The following SLC2A1 variants were observed in gnomAD, a reference collection of about 807,000 sequenced individuals.
SLC2A1 encodes the protein solute carrier family 2, facilitated glucose transporter member 1.
A neutral mutation model predicts 46.6 loss-of-function variants in SLC2A1; 4 were observed. The observed-to-expected ratio is 0.09, with a 90% CI of 0.04 to 0.20. The LOEUF is 0.20. Among genes scored for constraint, SLC2A1 ranks in the 10% least tolerant of loss-of-function variants. The pLI is 1.00. For synonymous variants in SLC2A1, 253 were observed against 270.0 expected, an observed-to-expected ratio of 0.94 and a Z score of 0.62; for missense variants, 352 against 667.0, an observed-to-expected ratio of 0.53 and a Z score of 5.20.
intron 1 of SLC2A1, among the ~76,000 whole-genome samples, chr1:42,945,626 T>C (rs573134504): frequency 2.0e-5 from 3 of 151,354 alleles, no homozygotes; most frequent in South Asian, 4.2e-4. Context: ...TGCGTGCCTG[T>C]AGTCCCAACT....
chr1:42,929,617 G>A lies in SLC2A1; in HGVS notation c.843C>T (p.Ser281=). ...CAGCGTTGATGCCAGACAGCTGCTGGGACAGCTGCAGCACCACAGCGATGA... is the reference window on the plus strand; with the variant it reads ...CAGCGTTGATGCCAGACAGCTGCTGAGACAGCTGCAGCACCACAGCGATGA... ...PILIAVVLQL[S]QQLSGINAVF... is the part of the protein sequence containing the mutation. Residue 281 remains serine (S), a synonymous_variant, in exon 6 of 10, where the codon TCC becomes TCT. Transcript: ENST00000426263. The surrounding 1 kb of genome is among the most constrained non-coding windows in gnomAD (Gnocchi z 6.0). 1 of 1,613,702 alleles carries A rather than the reference G, an allele frequency of 6.2e-7. No individual in the cohort carries two copies. The highest frequency in any genetic ancestry group is 2.2e-5 in the East Asian group (1 of 44,882).
intron 1 of SLC2A1, 87 bp downstream of exon 1, chr1:42,958,547 G>GT: frequency 8.5e-7 from 1 of 1,179,874 alleles, no homozygotes; most frequent in Non-Finnish European, 1.1e-6. Flanking sequence ...GCGCAGCGGG[G>GT]CGGCGGGGGA....
chr1:42,926,905 T>G lies in SLC2A1; in HGVS notation c.*136A>C. 6.6e-7 allele frequency: 1 copy of G among 1,515,178 alleles called. No individual in the cohort carries two copies. Among genetic ancestry groups the G allele is most frequent in the Non-Finnish European group, 8.8e-7 (1 of 1,138,336 alleles). 93.9% of individuals were successfully genotyped at this position (1,515,178 alleles called of 1,614,324 possible). On this transcript the variant is annotated 3_prime_UTR_variant, in exon 10 of 10. Coordinates refer to ENST00000426263, the MANE Select transcript of SLC2A1 (RefSeq NM_006516.4). Reference sequence around the variant, plus strand: ...GTCCTGAATATTCTTCTGGACATCATTGCTGGCTGGAGAAAGGAGCCCCAG... The same window carrying G: ...GTCCTGAATATTCTTCTGGACATCAGTGCTGGCTGGAGAAAGGAGCCCCAG...
At chr1:42,956,509 C>T (rs769127072) in intron 1 of SLC2A1, among the ~76,000 whole-genome samples, 10 of 151,542 alleles carry the variant, frequency 6.6e-5, no homozygotes, top group Non-Finnish European at 1.2e-4. Context: ...CGCTTGAACC[C>T]GGGAGGCAGA....
chr1:42,928,315 G>A (rs1459223340), intron 8 of SLC2A1, among the ~76,000 whole-genome samples: 1 of 152,224 alleles, frequency 6.6e-6, no homozygotes, highest in East Asian at 1.9e-4. Flanking sequence ...TCCAAGCCCA[G>A]GTTGAGCTGT....
In SLC2A1 at chr1:42,929,899, C is replaced by A. The variant is rs374080633; in HGVS notation, c.653G>T (p.Arg218Leu). 3.1e-6 allele frequency: 5 copies of A among 1,614,062 alleles called. No individual in the cohort carries two copies. Among genetic ancestry groups the A allele is most frequent in the Non-Finnish European group, 4.2e-6 (5 of 1,180,018 alleles). Residue 218 changes from arginine (R) to leucine (L), a missense_variant, in exon 5 of 10, where the codon CGC becomes CTC. Arg to Leu is a moderately radical substitution (Grantham distance 102). Coordinates refer to ENST00000426263, the MANE Select transcript of SLC2A1 (RefSeq NM_006516.4). The surrounding 1 kb of genome is among the most constrained non-coding windows in gnomAD (Gnocchi z 6.0). ...ACTCTTGGCCCGGTTCTCCTCGTTG[C>A]GGTTGATGAGCAGGAAGCGGGGACT... Reference protein sequence around the residue: ...PESPRFLLINRNEENRAKSVL... With the variant: ...PESPRFLLINLNEENRAKSVL...
intron 1 of SLC2A1, among the ~76,000 whole-genome samples, chr1:42,946,957 G>C (rs1395022125): frequency 1.3e-5 from 2 of 152,192 alleles, no homozygotes; most frequent in Non-Finnish European, 2.9e-5. Context: ...TAGAAAACGG[G>C]GATGAAAGTT....
At chr1:42,958,317 G>A (rs904717162) in intron 1 of SLC2A1, among the ~76,000 whole-genome samples, 2 of 151,192 alleles carry the variant, frequency 1.3e-5, no homozygotes, top group Non-Finnish European at 3.0e-5. Context: ...TGCCGCTCCC[G>A]GGCCCTGTGT....
chr1:42,947,992 C>G (rs1198633846), intron 1 of SLC2A1, among the ~76,000 whole-genome samples: 2 of 152,172 alleles, frequency 1.3e-5, no homozygotes, highest in African/African-American at 2.4e-5. Context: ...AAGGAAGGAC[C>G]TCTGAAGTCA....
Position 42,954,876 on chromosome 1 carries a change from C to T in SLC2A1, c.18+3758G>A, listed in dbSNP as rs993901005. ...AACTATCCCAAGGGTGACCCAAATT[C>T]AGAAAGGTAGGCAGGAAGCCTAAGG... is the stretch of plus-strand genomic sequence containing the variant. On this transcript the variant is annotated intron_variant, in intron 1 of 9. Coordinates refer to ENST00000426263, the MANE Select transcript of SLC2A1 (RefSeq NM_006516.4). This position sits in a 1 kb window ranked among gnomAD's most constrained non-coding sequence, Gnocchi z 4.2. Among the ~76,000 whole-genome samples the T allele has an allele frequency of 1.3e-5, 2 of 152,162 alleles. No homozygotes were observed. The highest frequency in any genetic ancestry group is 2.9e-5 in the Non-Finnish European group (2 of 68,038).
Position 42,925,391 on chromosome 1 carries a change from G to A in SLC2A1, c.*1650C>T, listed in dbSNP as rs569804456. On this transcript the variant is annotated 3_prime_UTR_variant, in exon 10 of 10. Coordinates refer to ENST00000426263, the MANE Select transcript of SLC2A1 (RefSeq NM_006516.4). ...GCCTCTAGAGACAAATATCTTTGGT[G>A]TTTTATTTCCTCCAGTATTTTCTGA... is the stretch of plus-strand genomic sequence containing the variant. 3 of 152,328 alleles carry A rather than the reference G, an allele frequency of 2.0e-5. No individual in the cohort carries two copies. The East Asian group carries it at 5.8e-4, about 29-fold the overall frequency. The allele number at this position is 152,328 out of a possible 1,614,324, so 9.4% of individuals were successfully genotyped here.
At chr1:42,942,454 T>C (rs2124461019) in intron 2 of SLC2A1, among the ~76,000 whole-genome samples, 1 of 151,728 alleles carries the variant, frequency 6.6e-6, no homozygotes, top group Admixed American at 6.6e-5. Flanking sequence ...GCAAGTAGGC[T>C]GGGCTGGAGG....
rs1451513110 is a variant in SLC2A1, at chr1:42,930,838, G to C, written c.304C>G (p.Leu102Val). 1 of 1,600,766 alleles carries C rather than the reference G, an allele frequency of 6.2e-7. No individual in the cohort carries two copies. The highest frequency in any genetic ancestry group is 8.5e-7 in the Non-Finnish European group (1 of 1,179,926). ...ATGAGCACGGCGGACACGAAGGCCAGCAGGTTCATCATCAGCATTGAATTC... is the reference window on the plus strand; with the variant it reads ...ATGAGCACGGCGGACACGAAGGCCACCAGGTTCATCATCAGCATTGAATTC... Reference protein sequence around the residue: ...RRNSMLMMNLLAFVSAVLMGF... With the variant: ...RRNSMLMMNLVAFVSAVLMGF... Residue 102 changes from leucine to valine, a missense_variant, in exon 4 of 10, where the codon CTG (leucine) becomes GTG (valine). This residue lies in a region of SLC2A1 where 97 missense variants were observed against 175.6 expected (regional missense o/e 0.55). Transcript: ENST00000426263. The surrounding 1 kb of genome is among the most constrained non-coding windows in gnomAD (Gnocchi z 6.2).
intron 1 of SLC2A1, among the ~76,000 whole-genome samples, chr1:42,945,313 T>A (rs530175792): frequency 6.6e-6 from 1 of 152,248 alleles, no homozygotes; most frequent in East Asian, 1.9e-4. Flanking sequence ...GAGGCCGCAG[T>A]GAGCTGTGAT....
At chr1:42,945,371 A>G (rs1413906717) in intron 1 of SLC2A1, among the ~76,000 whole-genome samples, 3 of 151,944 alleles carry the variant, frequency 2.0e-5, no homozygotes, top group Admixed American at 1.3e-4. Context: ...CTCTGTCCCA[A>G]AAAACAAAAG....
At chr1:42,945,868 T>C (rs1194701810) in intron 1 of SLC2A1, among the ~76,000 whole-genome samples, 1 of 152,212 alleles carries the variant, frequency 6.6e-6, no homozygotes, top group Non-Finnish European at 1.5e-5. Flanking sequence ...TGGCACTTTT[T>C]TGAATTCTGA....
chr1:42,940,443 T>G (rs5031045), intron 2 of SLC2A1, among the ~76,000 whole-genome samples: 163 of 152,334 alleles, frequency 1.1e-3, no homozygotes, highest in African/African-American at 3.8e-3. Context: ...GACACGGCCG[T>G]GGACAAACCA....
At position 42,929,744 on chromosome 1, in the gene SLC2A1, T is replaced by C. The variant is rs1045642109; in HGVS notation, c.716A>G (p.His239Arg). 5.0e-6 allele frequency: 8 copies of C among 1,613,984 alleles called. No homozygotes were observed. In the South Asian group the frequency reaches 7.7e-5, roughly 16 times the overall value. Residue 239 changes from histidine (H) to arginine (R), a missense_variant, in exon 6 of 10, where the codon CAT becomes CGT. Physicochemically the swap from His to Arg is conservative, Grantham distance 29 (BLOSUM62 0). This residue lies in a region of SLC2A1 where 167 missense variants were observed against 280.8 expected (regional missense o/e 0.59). Coordinates refer to ENST00000426263, the MANE Select transcript of SLC2A1 (RefSeq NM_006516.4). The surrounding 1 kb of genome is among the most constrained non-coding windows in gnomAD (Gnocchi z 6.0). ...KKLRGTADVT[H>R]DLQEMKEESR... ...CTCTTCCTTCATCTCCTGCAGGTCATGGGTCACGTCAGCTGTCCCGCGCAG... is the reference window on the plus strand; with the variant it reads ...CTCTTCCTTCATCTCCTGCAGGTCACGGGTCACGTCAGCTGTCCCGCGCAG...
At chr1:42,941,761 T>C (rs575785389) in intron 2 of SLC2A1, among the ~76,000 whole-genome samples, 2 of 152,336 alleles carry the variant, frequency 1.3e-5, no homozygotes, top group South Asian at 4.1e-4. Flanking sequence ...AGACTTTCCA[T>C]CTGTAAGGAT....
Sources: gnomAD v4.1 joint callset for allele counts (sites outside exome capture counted in the v4.1 genomes callset) on GRCh38, gnomAD v4.1.1 for gene constraint, gnomAD v4.1.1 regional missense constraint, Gnocchi (gnomAD v3.1) non-coding constraint, MANE v1.5 for transcripts, NCBI Gene and HGNC (gene_info 2026-07-23, HGNC 2026-07-21) for gene names.